KHDRBS2: variants seen among roughly 807,000 people sequenced by gnomAD.
KHDRBS2 encodes KH domain-containing, RNA-binding, signal transduction-associated protein 2.
A neutral mutation model predicts 44.3 loss-of-function variants in KHDRBS2; 26 were observed. The observed-to-expected ratio is 0.59, with a 90% CI of 0.43 to 0.81. The LOEUF (loss-of-function observed/expected upper bound fraction) is 0.81, where lower values mean the gene tolerates loss of function less well. Ranked by LOEUF, KHDRBS2 falls within the 40% of genes least tolerant of loss-of-function variation. The probability of loss-of-function intolerance (pLI) is 0.00; values close to 1 mark genes in which losing one functional copy is unlikely to be tolerated. For missense variants in KHDRBS2, 476 were observed against 433.1 expected, an observed-to-expected ratio of 1.10 and a Z score of -0.88; for synonymous variants, 194 against 151.1, an observed-to-expected ratio of 1.28 and a Z score of -2.08.
At chr6:61,784,833 A>G (rs961525252) in intron 6 of KHDRBS2, among the ~76,000 whole-genome samples, 3 of 152,162 alleles carry the variant, frequency 2.0e-5, no homozygotes, top group Admixed American at 6.6e-5. Flanking sequence ...TTAAGTTGGT[A>G]CAAATTTTAC....
At chr6:62,261,263 T>C (rs1838290331) in intron 1 of KHDRBS2, among the ~76,000 whole-genome samples, 1 of 151,870 alleles carries the variant, frequency 6.6e-6, no homozygotes, top group African/African-American at 2.4e-5. Context: ...CTTGTCAATT[T>C]CTCCAGTCTC....
chr6:61,727,988 G>A (rs1011392805), intron 7 of KHDRBS2, among the ~76,000 whole-genome samples: 1 of 152,010 alleles, frequency 6.6e-6, no homozygotes, highest in Non-Finnish European at 1.5e-5. Context: ...GTTCACTGAA[G>A]CACTATTCAC....
chr6:62,122,496 T>C (rs209002), intron 2 of KHDRBS2, among the ~76,000 whole-genome samples: 121,375 of 152,076 alleles, frequency 0.8, 49,089 homozygotes, highest in African/African-American at 0.93. Flanking sequence ...AATATGTGAT[T>C]GGGCTCCAGC....
At chr6:62,251,740 C>T (rs947273670) in intron 1 of KHDRBS2, among the ~76,000 whole-genome samples, 22 of 151,910 alleles carry the variant, frequency 1.4e-4, no homozygotes, top group African/African-American at 5.3e-4. Context: ...CCTAACACTA[C>T]ATTTGATGTA....
At chr6:61,924,924 T>C (rs1434491397) in intron 4 of KHDRBS2, among the ~76,000 whole-genome samples, 1 of 152,140 alleles carries the variant, frequency 6.6e-6, no homozygotes, top group Non-Finnish European at 1.5e-5. Context: ...TTTACGTTTG[T>C]AATTGGGTAG....
intron 3 of KHDRBS2, among the ~76,000 whole-genome samples, chr6:61,980,123 CTT>C (rs1773532318): frequency 6.6e-6 from 1 of 152,136 alleles, no homozygotes; most frequent in Admixed American, 6.5e-5. Context: ...TCATTTGCTA[CTT>C]GGGATGACCC....
intron 1 of KHDRBS2, among the ~76,000 whole-genome samples, chr6:62,203,612 T>C (rs1827413995): frequency 6.6e-6 from 1 of 152,054 alleles, no homozygotes; most frequent in Non-Finnish European, 1.5e-5. Flanking sequence ...CTTGAGATGT[T>C]TGAAGCATCC....
intron 3 of KHDRBS2, among the ~76,000 whole-genome samples, chr6:62,032,924 A>G (rs973420088): frequency 2.0e-5 from 3 of 151,976 alleles, no homozygotes; most frequent in African/African-American, 7.2e-5. Flanking sequence ...TCAGACAGAG[A>G]ATTCAAAATA....
chr6:62,111,080 G>A (rs911681219), intron 2 of KHDRBS2, among the ~76,000 whole-genome samples: 1 of 152,002 alleles, frequency 6.6e-6, no homozygotes, highest in Admixed American at 6.6e-5. Context: ...TAACAACCAA[G>A]TTTAGAACTA....
At chr6:61,624,546 C>T in the KHDRBS2 span, among the ~76,000 whole-genome samples, 1 of 152,132 alleles carries the variant, frequency 6.6e-6, no homozygotes, top group Non-Finnish European at 1.5e-5. Context: ...AATGTTGATC[C>T]ACAGACATGG....
chr6:62,077,500 G>T (rs1465886685), intron 2 of KHDRBS2, among the ~76,000 whole-genome samples: 1 of 151,998 alleles, frequency 6.6e-6, no homozygotes, highest in African/African-American at 2.4e-5. Flanking sequence ...CTTTATCTGG[G>T]ATCTTGAATG....
the KHDRBS2 span, among the ~76,000 whole-genome samples, chr6:61,596,511 T>C: frequency 2.6e-5 from 4 of 152,176 alleles, no homozygotes; most frequent in Non-Finnish European, 4.4e-5. Context: ...TAGGTTTGGA[T>C]AAGATTCTTT....
chr6:62,199,497 G>A (rs1378224103), intron 1 of KHDRBS2, among the ~76,000 whole-genome samples: 1 of 152,076 alleles, frequency 6.6e-6, no homozygotes, highest in Non-Finnish European at 1.5e-5. Context: ...ACTTCAAAGA[G>A]AATAAAATAC....
intron 1 of KHDRBS2, among the ~76,000 whole-genome samples, chr6:62,184,575 G>T (rs1242973203): frequency 6.6e-6 from 1 of 151,652 alleles, no homozygotes. Flanking sequence ...AAACAAAAGG[G>T]ATTAAACAGA....
intron 1 of KHDRBS2, among the ~76,000 whole-genome samples, chr6:62,271,188 T>A (rs1238809822): frequency 1.3e-5 from 2 of 152,116 alleles, no homozygotes; most frequent in Non-Finnish European, 2.9e-5. Flanking sequence ...TATGTGTATA[T>A]ATAGTCATAT....
chr6:62,250,357 G>A (rs1394857871), intron 1 of KHDRBS2, among the ~76,000 whole-genome samples: 2 of 152,094 alleles, frequency 1.3e-5, no homozygotes, highest in Admixed American at 6.6e-5. Context: ...AGTGTAATTA[G>A]ACAAGTGTCT....
chr6:62,201,472 T>C (rs1826973886), intron 1 of KHDRBS2, among the ~76,000 whole-genome samples: 1 of 151,962 alleles, frequency 6.6e-6, no homozygotes, highest in African/African-American at 2.4e-5. Flanking sequence ...ATAAATGAAA[T>C]TTACCTAGCA....
At chr6:61,754,436 G>A (rs1399976132) in intron 6 of KHDRBS2, among the ~76,000 whole-genome samples, 1 of 152,054 alleles carries the variant, frequency 6.6e-6, no homozygotes, top group Admixed American at 6.6e-5. Context: ...AAGTTCTGTT[G>A]TCTCTAAACT....
chr6:61,697,275 A>G, intron 7 of KHDRBS2, 22 bp from the exon 8 acceptor site: 1 of 1,505,824 alleles, frequency 6.6e-7, no homozygotes, highest in Non-Finnish European at 9.2e-7. Context: ...TTAGATAGCA[A>G]TCAATGTTAC....
Sources: allele counts gnomAD v4.1 joint callset (sites outside exome capture counted in the v4.1 genomes callset), GRCh38; gene constraint gnomAD v4.1.1; transcripts MANE v1.5; gene names NCBI Gene and HGNC (gene_info 2026-07-23, HGNC 2026-07-21).